FBXO9: variants seen among roughly 807,000 people sequenced by gnomAD.
FBXO9 encodes the protein F-box protein 9.
FBXO9 carries 43 observed loss-of-function variants against 63.7 expected under a neutral mutation model. That is an observed-to-expected ratio of 0.67 (90% CI 0.53 to 0.87). FBXO9 has a LOEUF of 0.87. Ranked by LOEUF, FBXO9 falls within the 40% of genes least tolerant of loss-of-function variation. The pLI, the probability that FBXO9 is intolerant of heterozygous loss-of-function variation, is 0.00. For missense variants in FBXO9, 442 were observed against 533.2 expected, an observed-to-expected ratio of 0.83 and a Z score of 1.68; for synonymous variants, 156 against 171.7, an observed-to-expected ratio of 0.91 and a Z score of 0.72.
chr6:53,095,571 A>C lies in FBXO9; in HGVS notation c.1112A>C (p.Gln371Pro). 1.2e-6 allele frequency: 2 copies of C among 1,613,852 alleles called. No individual in the cohort carries two copies. The highest frequency in any genetic ancestry group is 2.2e-5 in the East Asian group (1 of 44,866). The change falls in exon 12 of 13, where the codon CAG becomes CCG. Residue 371 changes from glutamine to proline, a missense_variant. This residue lies in a region of FBXO9 where 262 missense variants were observed against 362.1 expected (regional missense o/e 0.72). Transcript: ENST00000323557. ...FRRVPVQEAD[Q>P]SFHVGLQLCS... ...CGTGTCCCTGTACAAGAAGCAGATC[A>C]GAGTTTTCATGTGGGGCTACAGCTA...
rs752021826 is a variant in FBXO9 at position 53,081,976 on chromosome 6, C to T, written c.539-528C>T. On this transcript the variant is annotated intron_variant, in intron 6 of 12. Coordinates refer to ENST00000323557, the MANE Select transcript of FBXO9 (RefSeq NM_033480.3). ...CCCACCTACTTGGGAGGCTGAGGCA[C>T]GAGAATTACTTGAACCCAGGAGGCA... Among the ~76,000 whole-genome samples the T allele has an allele frequency of 9.9e-5, 15 of 151,678 alleles. 1 individual carries two copies. Among genetic ancestry groups the T allele is most frequent in the South Asian group, 2.1e-4 (1 of 4,808 alleles).
rs1269247695 is a variant in FBXO9, at chr6:53,092,440, T to C, written c.665T>C (p.Ile222Thr). The change falls in exon 8 of 13, where the codon ATA (isoleucine) becomes ACA (threonine). Residue 222 changes from isoleucine (I) to threonine (T), a missense_variant. Ile to Thr is a moderately conservative substitution (Grantham distance 89, BLOSUM62 -1). Around this residue, in one of 2 missense-constraint regions of FBXO9, gnomAD observed 262 missense variants for 362.1 expected, o/e 0.72. Transcript: ENST00000323557. ...GFYICARDPE[I>T]WRLACLKVWG... ...CTTTTATTCCCTAGAGACCCTGAAA[T>C]ATGGCGTCTGGCCTGCTTGAAAGTT... is the stretch of plus-strand genomic sequence containing the variant. The C allele has an allele frequency of 6.2e-7, 1 of 1,613,564 alleles. No individual in the cohort carries two copies.
rs1763285997 is a variant in FBXO9 at position 53,098,970 on chromosome 6, C to A, written c.*1140C>A. 1 of 152,074 alleles carries A rather than the reference C, an allele frequency of 6.6e-6. No homozygotes were observed. Among genetic ancestry groups the A allele is most frequent in the South Asian group, 2.1e-4 (1 of 4,826 alleles). 9.4% of individuals were successfully genotyped at this position (152,074 alleles called of 1,614,324 possible). A position where few individuals can be genotyped will look rare whatever the true frequency, so the allele number is the denominator to read the frequency against. On this transcript the variant is annotated 3_prime_UTR_variant, in exon 13 of 13. Coordinates refer to ENST00000323557, the MANE Select transcript of FBXO9 (RefSeq NM_033480.3). ...TCAGATTTGGTTTTGTTGTTTCAAC[C>A]ATAGTTAGAGACAAATTCTCATGTA...
rs531225190 is a variant in FBXO9 at position 53,086,100 on chromosome 6, G to T, written c.653+3482G>T. Among the ~76,000 whole-genome samples the T allele has an allele frequency of 2.0e-5, 3 of 152,304 alleles. No homozygotes were observed. The East Asian group carries it at 5.8e-4, about 29-fold the overall frequency. On this transcript the variant is annotated intron_variant, in intron 7 of 12. Coordinates refer to ENST00000323557, the MANE Select transcript of FBXO9 (RefSeq NM_033480.3). ...GTAGGCGGAGGTTGCGGTGAGCTAA[G>T]ATCGCACCATTGCGCTCCAGCCTGA... is the stretch of plus-strand genomic sequence containing the variant.
At chr6:53,076,387 C>A in intron 3 of FBXO9, 99 bp from the exon 4 acceptor site, 1 of 712,136 alleles carries the variant, frequency 1.4e-6, no homozygotes, top group Non-Finnish European at 2.3e-6. Flanking sequence ...CTATGAATAT[C>A]CAGTTATTTT....
At chr6:53,093,429 G>A in intron 9 of FBXO9, 37 bp from the exon 10 acceptor site, 1 of 1,389,430 alleles carries the variant, frequency 7.2e-7, no homozygotes, top group African/African-American at 1.4e-5. Context: ...ACTTTGTGTG[G>A]GGGGTGTGTT....
At chr6:53,082,686 C>A in intron 7 of FBXO9, 68 bp downstream of exon 7, 1 of 1,106,198 alleles carries the variant, frequency 9.0e-7, no homozygotes, top group Non-Finnish European at 1.3e-6. Flanking sequence ...GGTCCTTTGC[C>A]AATCCTGATA....
At chr6:53,070,415 T>A (rs917087190) in intron 1 of FBXO9, among the ~76,000 whole-genome samples, 2 of 152,236 alleles carry the variant, frequency 1.3e-5, no homozygotes, top group African/African-American at 4.8e-5. Flanking sequence ...TAATCATAAA[T>A]CATTTATGAA....
In FBXO9 at chr6:53,076,544, G is replaced by A; in HGVS notation, c.307+1G>A. On this transcript the variant is annotated splice_donor_variant, in intron 4 of 12. Transcript: ENST00000323557. LOFTEE classifies it high-confidence loss of function. ...GAACAAAATGGAGCTCTCTATGAAG[G>A]TAAAAATTCAGAGCCCAGGTTCATA... The A allele has an allele frequency of 6.5e-7, 1 of 1,527,048 alleles. No individual in the cohort carries two copies. The highest frequency in any genetic ancestry group is 1.8e-4 in the Middle Eastern group (1 of 5,508). 94.6% of individuals were successfully genotyped at this position (1,527,048 alleles called of 1,614,324 possible).
rs1358374847 is a variant in FBXO9 at position 53,065,934 on chromosome 6, G to C, written c.3+142G>C. ...GGCTGCCACCCGTTAGAGGGCCCTGGCCTGAGAAGGAGTGCGTCGGGGGGC... is the reference window on the plus strand; with the variant it reads ...GGCTGCCACCCGTTAGAGGGCCCTGCCCTGAGAAGGAGTGCGTCGGGGGGC... On this transcript the variant is annotated intron_variant, in intron 1 of 12. Transcript: ENST00000323557. The C allele has an allele frequency of 2.6e-6, 3 of 1,171,794 alleles. No individual in the cohort carries two copies. In the African/African-American group the frequency reaches 4.8e-5, roughly 19 times the overall value. The allele number at this position is 1,171,794 out of a possible 1,614,324, so 72.6% of individuals were successfully genotyped here. A position where few individuals can be genotyped will look rare whatever the true frequency, so the allele number is the denominator to read the frequency against.
chr6:53,075,887 A>C (rs904843052), intron 3 of FBXO9, among the ~76,000 whole-genome samples: 4 of 151,114 alleles, frequency 2.6e-5, no homozygotes, highest in African/African-American at 4.9e-5. Context: ...GAGACTGTAG[A>C]CGTGTGCCAC....
At chr6:53,077,316 T>C (rs1769148452) in intron 4 of FBXO9, among the ~76,000 whole-genome samples, 1 of 151,098 alleles carries the variant, frequency 6.6e-6, no homozygotes, top group Admixed American at 6.6e-5. Flanking sequence ...CTACTAAAAA[T>C]ACAAAAAATT....
chr6:53,065,930 C>T, intron 1 of FBXO9, 138 bp downstream of exon 1: 1 of 1,180,556 alleles, frequency 8.5e-7, no homozygotes, highest in Non-Finnish European at 1.1e-6. Flanking sequence ...GTTAGAGGGC[C>T]CTGGCCTGAG....
chr6:53,094,043 G>T, intron 11 of FBXO9, 65 bp downstream of exon 11: 2 of 958,416 alleles, frequency 2.1e-6, no homozygotes, highest in African/African-American at 1.7e-5. Context: ...AAGCAGTCTC[G>T]ATTAGAACAA....
chr6:53,069,345 A>G (rs1299017717), intron 1 of FBXO9, among the ~76,000 whole-genome samples: 1 of 152,248 alleles, frequency 6.6e-6, no homozygotes, highest in Non-Finnish European at 1.5e-5. Context: ...TTTCATTAAC[A>G]TGAAACATTA....
chr6:53,075,138 T>A (rs1220175282), intron 3 of FBXO9, among the ~76,000 whole-genome samples: 1 of 151,872 alleles, frequency 6.6e-6, no homozygotes, highest in East Asian at 1.9e-4. Flanking sequence ...ATTTAATTAA[T>A]TTATTTATTT....
intron 7 of FBXO9, chr6:53,091,846 A>T (rs1763048742): frequency 6.5e-6 from 1 of 153,322 alleles, no homozygotes; most frequent in South Asian, 2.0e-4. Context: ...ACTAGACCAT[A>T]TTCTCCATAA....
At chr6:53,068,637 A>AAT (rs10667878) in intron 1 of FBXO9, among the ~76,000 whole-genome samples, 111,778 of 142,194 alleles carry the variant, frequency 0.79, 45,094 homozygotes, top group East Asian at 0.99. Flanking sequence ...CATCTTACGG[A>AAT]ATATATATAT....
At chr6:53,096,790 C>A (rs998665977) in intron 12 of FBXO9, among the ~76,000 whole-genome samples, 1 of 152,070 alleles carries the variant, frequency 6.6e-6, no homozygotes, top group African/African-American at 2.4e-5. Flanking sequence ...CTTGAAGTCC[C>A]AGCTAATTTG....
Sources: allele counts gnomAD v4.1 joint callset (sites outside exome capture counted in the v4.1 genomes callset), GRCh38; gene constraint gnomAD v4.1.1; regional missense constraint gnomAD v4.1.1; transcripts MANE v1.5; gene names NCBI Gene and HGNC (gene_info 2026-07-23, HGNC 2026-07-21).